Variants in COBL observed in about 807,000 individuals in gnomAD.
COBL encodes the protein protein cordon-bleu.
A neutral mutation model predicts 98.8 loss-of-function variants in COBL; 51 were observed. The observed-to-expected ratio is 0.52, with a 90% CI of 0.41 to 0.65. The LOEUF (loss-of-function observed/expected upper bound fraction) is 0.65. Among genes scored for constraint, COBL ranks in the 30% least tolerant of loss-of-function variants. The pLI is 0.00. For synonymous variants in COBL, 634 were observed against 651.7 expected (o/e 0.97, Z 0.41); for missense variants, 1,617 against 1,617.5 (o/e 1.00, Z 0.01).
At chr7:51,177,676 G>A (rs1788501123) in intron 5 of COBL, among the ~76,000 whole-genome samples, 1 of 151,914 alleles carries the variant, frequency 6.6e-6, no homozygotes, top group Non-Finnish European at 1.5e-5. Flanking sequence ...GAGAGGCTGA[G>A]GCAGGAGAAT....
At chr7:51,198,777 C>A (rs1790828880) in intron 2 of COBL, among the ~76,000 whole-genome samples, 1 of 152,168 alleles carries the variant, frequency 6.6e-6, no homozygotes, top group Admixed American at 6.5e-5. Context: ...GACAGTAGAA[C>A]AGGAAGTCTC....
intron 5 of COBL, among the ~76,000 whole-genome samples, chr7:51,171,833 G>C (rs999654518): frequency 6.6e-6 from 1 of 151,932 alleles, no homozygotes; most frequent in Non-Finnish European, 1.5e-5. Context: ...TTTTACATGG[G>C]GACTGACCTG....
intron 1 of COBL, among the ~76,000 whole-genome samples, chr7:51,245,436 TACA>T (rs1176388936): frequency 6.6e-6 from 1 of 152,236 alleles, no homozygotes; most frequent in Non-Finnish European, 1.5e-5. Context: ...TCCACAGCTC[TACA>T]ACATTTGTAC....
chr7:51,127,180 GTAC>G (rs1798292612), intron 6 of COBL, among the ~76,000 whole-genome samples: 1 of 152,212 alleles, frequency 6.6e-6, no homozygotes, highest in African/African-American at 2.4e-5. Context: ...TCTCCAAGGA[GTAC>G]TACGAGATGA....
intron 1 of COBL, among the ~76,000 whole-genome samples, chr7:51,272,910 C>T (rs750282883): frequency 5.3e-5 from 8 of 152,054 alleles, no homozygotes; most frequent in Non-Finnish European, 7.4e-5. Flanking sequence ...CATTTCTCCC[C>T]CTCTCTATGT....
chr7:51,069,977 C>T (rs1176534954), intron 7 of COBL, among the ~76,000 whole-genome samples: 1 of 152,010 alleles, frequency 6.6e-6, no homozygotes, highest in Admixed American at 6.6e-5. Context: ...GTTTCTTTTT[C>T]CCTTTACTGA....
At chr7:51,277,182 C>T (rs1438042119) in intron 1 of COBL, among the ~76,000 whole-genome samples, 1 of 152,210 alleles carries the variant, frequency 6.6e-6, no homozygotes, top group African/African-American at 2.4e-5. Context: ...GACGGCCACA[C>T]ATGCGCAGGG....
intron 6 of COBL, among the ~76,000 whole-genome samples, chr7:51,104,232 A>T (rs1334610970): frequency 6.6e-6 from 1 of 152,236 alleles, no homozygotes; most frequent in Non-Finnish European, 1.5e-5. Flanking sequence ...AGCTACTCTG[A>T]ATTAAATTTT....
rs954038614 is a variant in COBL, at chr7:51,241,594, A to T, written c.42-21650T>A. Among the ~76,000 whole-genome samples, 3 of 152,358 alleles carry T rather than the reference A, an allele frequency of 2.0e-5. No individual in the cohort carries two copies. In the South Asian group the frequency reaches 6.2e-4, roughly 32 times the overall value. Reference sequence around the variant, plus strand: ...TTAATCTATATTTTTTAAAAAAATAAAAGTCACTGTCATTGGAAGAGCAGT... The same window carrying T: ...TTAATCTATATTTTTTAAAAAAATATAAGTCACTGTCATTGGAAGAGCAGT... On this transcript the variant is annotated intron_variant, in intron 1 of 12. Coordinates refer to ENST00000265136, the MANE Select transcript of COBL (RefSeq NM_015198.5).
chr7:51,129,436 A>T (rs1343918632), intron 6 of COBL, among the ~76,000 whole-genome samples: 1 of 152,042 alleles, frequency 6.6e-6, no homozygotes, highest in African/African-American at 2.4e-5. Flanking sequence ...GGATTCTGAC[A>T]TCTGAGTTTT....
intron 7 of COBL, among the ~76,000 whole-genome samples, chr7:51,046,885 T>C (rs1310530990): frequency 2.0e-5 from 3 of 152,300 alleles, no homozygotes; most frequent in Non-Finnish European, 1.5e-5. Flanking sequence ...CTTTCCCCTT[T>C]CTGTAAAATA....
chr7:51,264,021 AC>A (rs1458489088), intron 1 of COBL, among the ~76,000 whole-genome samples: 1 of 152,122 alleles, frequency 6.6e-6, no homozygotes, highest in Non-Finnish European at 1.5e-5. Context: ...AGAAGATGAA[AC>A]TGAAACCTAG....
intron 6 of COBL, among the ~76,000 whole-genome samples, chr7:51,104,940 G>A (rs924123210): frequency 7.9e-5 from 12 of 152,032 alleles, no homozygotes; most frequent in East Asian, 1.9e-4. Flanking sequence ...CACAATAAGC[G>A]AACACAATGT....
intron 1 of COBL, among the ~76,000 whole-genome samples, chr7:51,290,449 G>C (rs1180782703): frequency 6.6e-6 from 1 of 151,982 alleles, no homozygotes; most frequent in African/African-American, 2.4e-5. Context: ...CTTGGAAAAA[G>C]CTTGTCTACA....
At chr7:51,306,398 A>G (rs1366617588) in intron 1 of COBL, among the ~76,000 whole-genome samples, 2 of 152,118 alleles carry the variant, frequency 1.3e-5, no homozygotes, top group Non-Finnish European at 2.9e-5. Flanking sequence ...AGAAAACACA[A>G]TTAGCGAATT....
intron 1 of COBL, among the ~76,000 whole-genome samples, chr7:51,261,184 C>T (rs1381368611): frequency 6.6e-6 from 1 of 152,244 alleles, no homozygotes; most frequent in Non-Finnish European, 1.5e-5. Context: ...ACAGCAAAAC[C>T]TCCTCAAAGA....
At chr7:51,080,331 G>C (rs7803708) in intron 7 of COBL, among the ~76,000 whole-genome samples, 2 of 152,144 alleles carry the variant, frequency 1.3e-5, no homozygotes, top group East Asian at 3.9e-4. Context: ...TCAAAAAAGT[G>C]TATTTCTCCT....
At chr7:51,125,866 G>T (rs1357323134) in intron 6 of COBL, among the ~76,000 whole-genome samples, 1 of 152,092 alleles carries the variant, frequency 6.6e-6, no homozygotes, top group Admixed American at 6.5e-5. Context: ...CACTGTCTTG[G>T]GACAGAAATT....
intron 4 of COBL, chr7:51,187,819 C>T (rs1020444075): frequency 1.0e-6 from 1 of 993,746 alleles, no homozygotes; most frequent in African/African-American, 1.7e-5. Context: ...TCCTTGGAGT[C>T]TGGCACAAAA....
Sources: allele counts gnomAD v4.1 joint callset (sites outside exome capture counted in the v4.1 genomes callset), GRCh38; gene constraint gnomAD v4.1.1; transcripts MANE v1.5; gene names NCBI Gene and HGNC (gene_info 2026-07-23, HGNC 2026-07-21).